Variants in XRCC3 observed in about 807,000 individuals in gnomAD.
The protein encoded by XRCC3 is DNA repair protein XRCC3.
A neutral mutation model predicts 29.2 loss-of-function variants in XRCC3; 34 were observed. That is an observed-to-expected ratio of 1.16 (90% CI 0.88 to 1.55). The LOEUF (loss-of-function observed/expected upper bound fraction) is 1.55, where lower values mean the gene tolerates loss of function less well. XRCC3 is among the 40% of genes most tolerant of loss of function. The probability of loss-of-function intolerance (pLI) is 0.00; values close to 1 mark genes in which losing one functional copy is unlikely to be tolerated. For synonymous variants in XRCC3, 223 were observed against 211.3 expected (o/e 1.06, Z -0.48); for missense variants, 463 against 467.6 (o/e 0.99, Z 0.09).
chr14:103,707,348 G>A, intron 5 of XRCC3, 133 bp from the exon 6 acceptor site: 1 of 1,147,444 alleles, frequency 8.7e-7, no homozygotes, highest in Non-Finnish European at 1.3e-6. Flanking sequence ...GGTCATGGGG[G>A]TGAGCAAGGT....
chr14:103,699,251 C>T, intron 8 of XRCC3, 72 bp from the exon 9 acceptor site: 7 of 1,539,758 alleles, frequency 4.5e-6, no homozygotes, highest in East Asian at 4.9e-5. Flanking sequence ...GGCTGCTACC[C>T]GCAGGAGCCG....
intron 7 of XRCC3, among the ~76,000 whole-genome samples, chr14:103,700,955 GCT>G (rs1595643717): frequency 6.6e-6 from 1 of 152,342 alleles, no homozygotes; most frequent in East Asian, 1.9e-4. Flanking sequence ...GCAAGAGAAG[GCT>G]CTGTGTCCAC....
intron 6 of XRCC3, 149 bp from the exon 7 acceptor site, chr14:103,703,476 G>A: frequency 2.1e-6 from 2 of 969,080 alleles, no homozygotes; most frequent in Non-Finnish European, 3.1e-6. Context: ...GGAGGCTGGT[G>A]CTTTTTCTCA....
Position 103,703,170 on chromosome 14 carries a change from C to T in XRCC3, c.561+3G>A, listed in dbSNP as rs1231290187. 1.9e-6 allele frequency: 3 copies of T among 1,567,108 alleles called. No individual in the cohort carries two copies. The highest frequency in any genetic ancestry group is 1.2e-5 in the South Asian group (1 of 85,958). ...GGTGTCATGGGGCTTCTCCCACACT[C>T]ACCACATCGGCCACGTGCTCGATGA... is the stretch of plus-strand genomic sequence containing the variant. On this transcript the variant is annotated splice_donor_region_variant and intron_variant, in intron 7 of 9. Transcript: ENST00000555055.
At position 103,699,556 on chromosome 14, in the gene XRCC3, C is replaced by T; in HGVS notation, c.582G>A (p.Val194=). ...ACAGCAGTACGGGGACCTTCTTATT[C>T]ACACACTCCAACAAGGTGTCCTGTG... ...VADVDTLLEC[V]NKKVPVLLSR... is the part of the protein sequence containing the mutation. Residue 194 remains valine, a synonymous_variant, in exon 8 of 10, where the codon GTG becomes GTA. Transcript: ENST00000555055. The T allele has an allele frequency of 6.2e-7, 1 of 1,613,434 alleles. No individual in the cohort carries two copies. The highest frequency in any genetic ancestry group is 1.1e-5 in the South Asian group (1 of 91,066).
Position 103,715,378 on chromosome 14 carries a change from C to G in XRCC3, c.-318+46G>C, listed in dbSNP as rs1304092167. 3 of 152,622 alleles carry G rather than the reference C, an allele frequency of 2.0e-5. No homozygotes were observed. The East Asian group carries it at 5.8e-4, about 29-fold the overall frequency. 9.5% of individuals were successfully genotyped at this position (152,622 alleles called of 1,614,324 possible). Reference sequence around the variant, plus strand: ...CGCCCACGACCTCCGACCCCGCTGCCGCCCGGCTCGCAGCCCGGCTCGCAG... The same window carrying G: ...CGCCCACGACCTCCGACCCCGCTGCGGCCCGGCTCGCAGCCCGGCTCGCAG... On this transcript the variant is annotated intron_variant, in intron 1 of 9. Coordinates refer to ENST00000555055, the MANE Select transcript of XRCC3 (RefSeq NM_005432.4).
At chr14:103,711,790 C>A (rs1243969185) in intron 2 of XRCC3, 2 of 444,612 alleles carry the variant, frequency 4.5e-6, no homozygotes, top group Admixed American at 4.8e-5. Context: ...CCGGCCTCAG[C>A]AGGCTGCTCA....
At chr14:103,704,562 C>T (rs954288860) in intron 6 of XRCC3, 4 of 152,106 alleles carry the variant, frequency 2.6e-5, no homozygotes, top group African/African-American at 9.7e-5. Flanking sequence ...CGTGCGCTAC[C>T]ACGCCCAGCT....
chr14:103,714,719 G>C (rs1284919774), intron 1 of XRCC3, among the ~76,000 whole-genome samples: 1 of 152,082 alleles, frequency 6.6e-6, no homozygotes, highest in East Asian at 1.9e-4. Flanking sequence ...TTTTTCTGTA[G>C]CCCAGGCTGG....
At chr14:103,708,917 G>A in intron 4 of XRCC3, 1 of 480,936 alleles carries the variant, frequency 2.1e-6, no homozygotes, top group East Asian at 4.3e-5. Flanking sequence ...TCGTGAGCTG[G>A]GGCAGAAGCC....
rs1383181651 is a variant in XRCC3, at chr14:103,698,744, G to A, written c.*54C>T. The A allele has an allele frequency of 8.6e-6, 13 of 1,504,252 alleles. No homozygotes were observed. Among genetic ancestry groups the A allele is most frequent in the Admixed American group, 7.8e-5 (4 of 51,400 alleles). The allele number at this position is 1,504,252 out of a possible 1,614,324, so 93.2% of individuals were successfully genotyped here. A position where few individuals can be genotyped will look rare whatever the true frequency, so the allele number is the denominator to read the frequency against. On this transcript the variant is annotated 3_prime_UTR_variant, in exon 10 of 10. Transcript: ENST00000555055. ...CCAGGCAGACGCGTTTTAAAGGCCC[G>A]AGCCCCGTGTGTCGGGGCTTCTCAG...
chr14:103,704,298 T>G (rs1174484875), intron 6 of XRCC3: 1 of 152,292 alleles, frequency 6.6e-6, no homozygotes, highest in Non-Finnish European at 1.5e-5. Flanking sequence ...GGGGGCTGAC[T>G]GCTCATGGGT....
At chr14:103,703,128 G>T in intron 7 of XRCC3, 45 bp downstream of exon 7, 1 of 1,548,720 alleles carries the variant, frequency 6.5e-7, no homozygotes, top group Non-Finnish European at 8.7e-7. Flanking sequence ...CAATGGTCCT[G>T]AATAGCTTGC....
chr14:103,707,333 C>G (rs1216065501), intron 5 of XRCC3, 118 bp from the exon 6 acceptor site: 14 of 1,312,658 alleles, frequency 1.1e-5, no homozygotes, highest in Admixed American at 4.0e-5. Flanking sequence ...AGCACAGGTG[C>G]CTGCGGTCAT....
rs916499113 is a variant in XRCC3 at position 103,708,785 on chromosome 14, G to A, written c.56-126C>T. The A allele has an allele frequency of 7.2e-5, 94 of 1,307,664 alleles. No individual in the cohort carries two copies. In the Middle Eastern group the frequency reaches 1.1e-3, roughly 15 times the overall value. The allele number at this position is 1,307,664 out of a possible 1,614,324, so 81.0% of individuals were successfully genotyped here. On this transcript the variant is annotated intron_variant, in intron 4 of 9. Transcript: ENST00000555055. ...GTGCTTCCGATTCTGGGGACAAGGT[G>A]GGTAGGGACCGGATCCCCTGCTCCC...
rs377685108 is a variant in XRCC3 at position 103,707,027 on chromosome 14, G to A, written c.382C>T (p.Arg128Trp). 52 of 1,564,004 alleles carry A rather than the reference G, an allele frequency of 3.3e-5. 1 individual carries two copies. Among genetic ancestry groups the A allele is most frequent in the Middle Eastern group, 3.6e-4 (2 of 5,624 alleles). ...LQLCLAVQFP[R>W]QHGGLEAGAV... ...CCAGCCTCCAGGCCTCCGTGCTGCCGCGGGAACTGCACAGCCAGGCAGAGC... is the reference window on the plus strand; with the variant it reads ...CCAGCCTCCAGGCCTCCGTGCTGCCACGGGAACTGCACAGCCAGGCAGAGC... Residue 128 changes from arginine to tryptophan, a missense_variant, in exon 6 of 10, where the codon CGG (arginine) becomes TGG (tryptophan). Coordinates refer to ENST00000555055, the MANE Select transcript of XRCC3 (RefSeq NM_005432.4).
chr14:103,703,369 C>T lies in XRCC3; in HGVS notation c.407-42G>A, dbSNP rs55958706. The stretch of plus-strand genomic sequence containing the variant: ...CCTGATGTGCCCAGGGGACTCCAGA[C>T]GGGCCTGTGACTGCCACACAAATCA... On this transcript the variant is annotated intron_variant, in intron 6 of 9. Coordinates refer to ENST00000555055, the MANE Select transcript of XRCC3 (RefSeq NM_005432.4). 1,180 of 1,532,046 alleles carry T rather than the reference C, an allele frequency of 7.7e-4. 10 individuals are homozygous for T. The East Asian group carries it at 0.018, about 23-fold the overall frequency. The allele number at this position is 1,532,046 out of a possible 1,614,324, so 94.9% of individuals were successfully genotyped here.
chr14:103,712,167 A>G (rs1396007270), intron 2 of XRCC3: 1 of 178,414 alleles, frequency 5.6e-6, no homozygotes, highest in Non-Finnish European at 1.2e-5. Context: ...TGAGGCGGGC[A>G]GGGCAGGGAA....
At chr14:103,700,623 C>G in intron 7 of XRCC3, 1 of 1,589,226 alleles carries the variant, frequency 6.3e-7, no homozygotes, top group East Asian at 2.3e-5. Context: ...CCTGCACGCC[C>G]TGAGTGAAAC....
Sources: allele counts gnomAD v4.1 joint callset (sites outside exome capture counted in the v4.1 genomes callset), GRCh38; gene constraint gnomAD v4.1.1; transcripts MANE v1.5; gene names NCBI Gene and HGNC (gene_info 2026-07-23, HGNC 2026-07-21).